PPM1H: variants seen among roughly 807,000 people sequenced by gnomAD.
PPM1H encodes the protein protein phosphatase, Mg2+/Mn2+ dependent 1H, also known as protein phosphatase 1H.
A neutral mutation model predicts 54.9 loss-of-function variants in PPM1H; 27 were observed. That is an observed-to-expected ratio of 0.49 (90% confidence interval 0.36 to 0.68). The LOEUF is 0.68. Among genes scored for constraint, PPM1H ranks in the 30% least tolerant of loss-of-function variants. The pLI is 0.00. For synonymous variants in PPM1H, 305 were observed against 270.8 expected, an observed-to-expected ratio of 1.13 and a Z score of -1.24; for missense variants, 596 against 667.8, an observed-to-expected ratio of 0.89 and a Z score of 1.19.
At chr12:62,880,225 C>T (rs1304548035) in intron 1 of PPM1H, among the ~76,000 whole-genome samples, 1 of 152,176 alleles carries the variant, frequency 6.6e-6, no homozygotes, top group African/African-American at 2.4e-5. Flanking sequence ...CAGACATCTT[C>T]CCAATTGAGA....
At chr12:62,751,858 C>T (rs1247425808) in intron 4 of PPM1H, among the ~76,000 whole-genome samples, 1 of 152,192 alleles carries the variant, frequency 6.6e-6, no homozygotes, top group African/African-American at 2.4e-5. Flanking sequence ...TATATTACTT[C>T]ATGTGGCAGG....
intron 1 of PPM1H, among the ~76,000 whole-genome samples, chr12:62,900,029 C>A (rs1395824629): frequency 6.6e-6 from 1 of 152,172 alleles, no homozygotes; most frequent in Non-Finnish European, 1.5e-5. Flanking sequence ...AAGGCCCATG[C>A]CAGCACCCTG....
intron 1 of PPM1H, among the ~76,000 whole-genome samples, chr12:62,887,666 G>A (rs10784318): frequency 6.6e-6 from 1 of 152,006 alleles, no homozygotes; most frequent in African/African-American, 2.4e-5. Flanking sequence ...TAATGAGCGA[G>A]GTGATTTCAA....
chr12:62,649,111 A>G lies in PPM1H; in HGVS notation c.1398-475T>C, dbSNP rs571172142. Among the ~76,000 whole-genome samples the G allele has an allele frequency of 7.2e-5, 11 of 151,868 alleles. No individual in the cohort carries two copies. The South Asian group carries it at 8.3e-4, about 11-fold the overall frequency. Reference sequence around the variant, plus strand: ...TCTATTTATGGTAAAAATCATTTAAAATAAATTTTTTAAAAAAGTGAGTTA... The same window carrying G: ...TCTATTTATGGTAAAAATCATTTAAGATAAATTTTTTAAAAAAGTGAGTTA... On this transcript the variant is annotated intron_variant, in intron 9 of 9. Transcript: ENST00000228705.
intron 6 of PPM1H, among the ~76,000 whole-genome samples, chr12:62,704,896 C>G (rs574880686): frequency 6.6e-6 from 1 of 152,358 alleles, no homozygotes; most frequent in African/African-American, 2.4e-5. Flanking sequence ...TTCTCCCTAT[C>G]AGCACGCCTG....
At chr12:62,817,892 A>C (rs1383036757) in intron 2 of PPM1H, among the ~76,000 whole-genome samples, 1 of 152,106 alleles carries the variant, frequency 6.6e-6, no homozygotes, top group Non-Finnish European at 1.5e-5. Flanking sequence ...TCCCCTGCTG[A>C]TGGTCTTGGC....
intron 1 of PPM1H, among the ~76,000 whole-genome samples, chr12:62,933,673 TAGTC>T (rs1345110020): frequency 4.6e-5 from 7 of 152,146 alleles, no homozygotes; most frequent in Non-Finnish European, 8.8e-5. Flanking sequence ...TGGTTATTAA[TAGTC>T]AGTGGAAAAG....
chr12:62,752,798 A>G (rs1022276420), intron 4 of PPM1H, among the ~76,000 whole-genome samples: 4 of 152,224 alleles, frequency 2.6e-5, no homozygotes, highest in Non-Finnish European at 4.4e-5. Context: ...GATAACATAC[A>G]TAATTTAAAA....
chr12:62,653,934 A>C lies in PPM1H; in HGVS notation c.1398-5298T>G, dbSNP rs144461458. ...ATTGGTCACAGCTGGCACCAGGGAA[A>C]TGCAGTCTCCCAATAGAAAACACCT... On this transcript the variant is annotated intron_variant, in intron 9 of 9. Transcript: ENST00000228705. Among the ~76,000 whole-genome samples, 145 of 152,184 alleles carry C rather than the reference A, an allele frequency of 9.5e-4. 1 individual carries two copies. The highest frequency in any genetic ancestry group is 1.5e-3 in the Non-Finnish European group (101 of 68,002).
chr12:62,759,737 G>T (rs558404130), intron 4 of PPM1H, among the ~76,000 whole-genome samples: 16 of 150,776 alleles, frequency 1.1e-4, no homozygotes, highest in African/African-American at 3.7e-4. Context: ...TTTCCTGGGG[G>T]GCAAGCACCT....
intron 1 of PPM1H, among the ~76,000 whole-genome samples, chr12:62,834,066 C>T (rs12303102): frequency 0.094 from 14,314 of 152,206 alleles, 1,159 homozygotes; most frequent in African/African-American, 0.22. Flanking sequence ...TAGCATATTT[C>T]TATAAACAAA....
chr12:62,739,720 C>T (rs1407485106), intron 4 of PPM1H, among the ~76,000 whole-genome samples: 2 of 152,190 alleles, frequency 1.3e-5, no homozygotes, highest in Non-Finnish European at 2.9e-5. Flanking sequence ...TGTCACAAAG[C>T]AGGGGCCCAG....
At chr12:62,896,140 T>C (rs1026036770) in intron 1 of PPM1H, among the ~76,000 whole-genome samples, 2 of 152,208 alleles carry the variant, frequency 1.3e-5, no homozygotes, top group African/African-American at 4.8e-5. Context: ...CGGCTAATTA[T>C]TGCAACGATG....
chr12:62,793,517 G>A (rs904951494), intron 3 of PPM1H, among the ~76,000 whole-genome samples: 1 of 151,990 alleles, frequency 6.6e-6, no homozygotes, highest in African/African-American at 2.4e-5. Context: ...CTGAGGTCGG[G>A]CAGTGGAGAC....
chr12:62,772,903 A>G (rs1224475332), intron 4 of PPM1H, among the ~76,000 whole-genome samples: 1 of 152,034 alleles, frequency 6.6e-6, no homozygotes, highest in Non-Finnish European at 1.5e-5. Context: ...TAATCCTAGC[A>G]CTTTGGGAGG....
At chr12:62,920,559 TG>T (rs2062073371) in intron 1 of PPM1H, among the ~76,000 whole-genome samples, 1 of 147,840 alleles carries the variant, frequency 6.8e-6, no homozygotes, top group Non-Finnish European at 1.5e-5. Flanking sequence ...TAATCTCAAG[TG>T]ATCCACCTGC....
At chr12:62,775,752 T>C (rs2076606741) in intron 4 of PPM1H, among the ~76,000 whole-genome samples, 1 of 152,228 alleles carries the variant, frequency 6.6e-6, no homozygotes, top group African/African-American at 2.4e-5. Flanking sequence ...GCCTGGGCCC[T>C]GTTTGCACCT....
rs545958843 is a variant in PPM1H at position 62,826,527 on chromosome 12, C to T, written c.411+5587G>A. Among the ~76,000 whole-genome samples, 7 of 152,290 alleles carry T rather than the reference C, an allele frequency of 4.6e-5. No homozygotes were observed. The East Asian group carries it at 1.3e-3, about 29-fold the overall frequency. The stretch of plus-strand genomic sequence containing the variant: ...AGAAAGGTCATGAAATATAAAGTCA[C>T]ACTTCTATTGAAATCCTCTGTACAT... On this transcript the variant is annotated intron_variant, in intron 2 of 9. Transcript: ENST00000228705.
At chr12:62,822,424 TC>T (rs1197449280) in intron 2 of PPM1H, among the ~76,000 whole-genome samples, 2 of 152,182 alleles carry the variant, frequency 1.3e-5, no homozygotes, top group African/African-American at 4.8e-5. Flanking sequence ...TACAGAACTC[TC>T]CACCCCAAAT....
Sources: gnomAD v4.1 joint callset for allele counts (sites outside exome capture counted in the v4.1 genomes callset) on GRCh38, gnomAD v4.1.1 for gene constraint, MANE v1.5 for transcripts, NCBI Gene and HGNC (gene_info 2026-07-23, HGNC 2026-07-21) for gene names.